TTLL11: variants seen among roughly 807,000 people sequenced by gnomAD.
TTLL11 encodes tubulin polyglutamylase TTLL11.
TTLL11 carries 42 observed loss-of-function variants against 51.7 expected under a neutral mutation model. The observed-to-expected ratio is 0.81, with a 90% CI of 0.64 to 1.05. The LOEUF (loss-of-function observed/expected upper bound fraction) is 1.05. Among genes scored for constraint, TTLL11 ranks in the 50% least tolerant of loss-of-function variants. The pLI, the probability that TTLL11 is intolerant of heterozygous loss-of-function variation, is 0.00. For missense variants in TTLL11, 799 were observed against 940.4 expected, an observed-to-expected ratio of 0.85 and a Z score of 1.97; for synonymous variants, 381 against 383.5, an observed-to-expected ratio of 0.99 and a Z score of 0.08.
chr9:122,062,604 G>T (rs1056285295), intron 1 of TTLL11, among the ~76,000 whole-genome samples: 9 of 151,022 alleles, frequency 6.0e-5, no homozygotes, highest in Non-Finnish European at 1.0e-4. Context: ...AAGTAGCTGG[G>T]TTTACAGGCA....
At position 122,056,062 on chromosome 9, in the gene TTLL11, G is replaced by C. The variant is rs190912830; in HGVS notation, c.463-16694C>G. On this transcript the variant is annotated intron_variant, in intron 1 of 8. Transcript: ENST00000321582. Reference sequence around the variant, plus strand: ...CCCCCATTCTGCAAATCTGCAAGGGGCTGCTCTTCTTTTCCAGCAATCGAC... The same window carrying C: ...CCCCCATTCTGCAAATCTGCAAGGGCCTGCTCTTCTTTTCCAGCAATCGAC... Among the ~76,000 whole-genome samples the C allele has an allele frequency of 1.4e-4, 21 of 152,322 alleles. No individual in the cohort carries two copies. The East Asian group carries it at 4.1e-3, about 29-fold the overall frequency.
chr9:121,933,952 G>A (rs369573503), intron 6 of TTLL11, among the ~76,000 whole-genome samples: 15 of 152,166 alleles, frequency 9.9e-5, no homozygotes, highest in Admixed American at 3.3e-4. Context: ...TGGTCCAGCC[G>A]GGCGCTGTGG....
chr9:121,822,760 G>A lies in TTLL11; in HGVS notation c.1960C>T (p.Leu654=), dbSNP rs1836624117. ...CACACCAGGCGTTTTTCATCCAGCA[G>A]GGACAGGTGGTACTCGCAAAGGTCA... The part of the protein sequence containing the change: ...LIDLCEYHLS[L]LDEKRLVCGR... Residue 654 remains leucine (L), a synonymous_variant, in exon 9 of 9, where the codon CTG becomes TTG. Coordinates refer to ENST00000321582, the MANE Select transcript of TTLL11 (RefSeq NM_001139442.2). This position sits in a 1 kb window ranked among gnomAD's most constrained non-coding sequence, Gnocchi z 5.8. The A allele has an allele frequency of 6.4e-7, 1 of 1,551,568 alleles. No homozygotes were observed. Among genetic ancestry groups the A allele is most frequent in the Admixed American group, 2.0e-5 (1 of 50,988 alleles).
chr9:121,885,496 C>G (rs1838975801), intron 6 of TTLL11: 1 of 152,248 alleles, frequency 6.6e-6, no homozygotes, highest in African/African-American at 2.4e-5. Context: ...AGCACATCCT[C>G]TTATTTGATT....
chr9:121,991,148 C>A (rs1843100716), intron 3 of TTLL11, among the ~76,000 whole-genome samples: 1 of 152,218 alleles, frequency 6.6e-6, no homozygotes, highest in Non-Finnish European at 1.5e-5. Context: ...CCTCTCAGCT[C>A]TCCACCTTTG....
At chr9:122,089,778 TG>T (rs1846212594) in intron 1 of TTLL11, among the ~76,000 whole-genome samples, 1 of 151,986 alleles carries the variant, frequency 6.6e-6, no homozygotes, top group Admixed American at 6.6e-5. Context: ...GCAAGTGAAT[TG>T]TTTTTTTAAT....
At chr9:121,901,040 G>A (rs549092402) in intron 6 of TTLL11, among the ~76,000 whole-genome samples, 75 of 152,266 alleles carry the variant, frequency 4.9e-4, no homozygotes, top group African/African-American at 1.8e-3. Context: ...CTCCCAAAGT[G>A]CTGGGATTAC....
rs186988876 is a variant in TTLL11 at position 121,851,732 on chromosome 9, T to C, written c.1840+8605A>G. On this transcript the variant is annotated intron_variant, in intron 8 of 8. Coordinates refer to ENST00000321582, the MANE Select transcript of TTLL11 (RefSeq NM_001139442.2). ...GAATAAGAGAAATTCCTCCCCTCAGTGCAGTTGGGAGCACTGAGTGCTGTG... is the reference window on the plus strand; with the variant it reads ...GAATAAGAGAAATTCCTCCCCTCAGCGCAGTTGGGAGCACTGAGTGCTGTG... Among the ~76,000 whole-genome samples, 389 of 152,310 alleles carry C rather than the reference T, an allele frequency of 2.6e-3. 3 individuals are homozygous for C. The highest frequency in any genetic ancestry group is 2.3e-3 in the Non-Finnish European group (159 of 68,024).
At chr9:121,985,827 A>G (rs1374462167) in intron 4 of TTLL11, among the ~76,000 whole-genome samples, 1 of 152,126 alleles carries the variant, frequency 6.6e-6, no homozygotes, top group African/African-American at 2.4e-5. Flanking sequence ...GCCCAAGGAT[A>G]CCATTTTCTC....
chr9:121,824,925 TG>T (rs1187550768), intron 8 of TTLL11, among the ~76,000 whole-genome samples: 1 of 152,226 alleles, frequency 6.6e-6, no homozygotes, highest in Non-Finnish European at 1.5e-5. Context: ...GAACTTGAGC[TG>T]GGCAAAGAAG....
chr9:121,907,311 G>T (rs1287380901), intron 6 of TTLL11, among the ~76,000 whole-genome samples: 1 of 152,020 alleles, frequency 6.6e-6, no homozygotes, highest in Non-Finnish European at 1.5e-5. Flanking sequence ...TTAGCCGGGT[G>T]TGATGGTGCA....
chr9:121,996,203 C>T (rs1427423839), intron 3 of TTLL11, among the ~76,000 whole-genome samples: 4 of 152,106 alleles, frequency 2.6e-5, no homozygotes, highest in Non-Finnish European at 4.4e-5. Flanking sequence ...CACTTCCTGC[C>T]CTTCCCTCCT....
At chr9:122,031,562 A>G (rs370597039) in intron 3 of TTLL11, among the ~76,000 whole-genome samples, 161 bp downstream of exon 3, 35 of 152,258 alleles carry the variant, frequency 2.3e-4, no homozygotes, top group African/African-American at 8.4e-4. Context: ...TCAACTCTGC[A>G]AGCTGTTTTG....
chr9:121,882,249 G>A (rs752411719), intron 6 of TTLL11, among the ~76,000 whole-genome samples: 1 of 152,120 alleles, frequency 6.6e-6, no homozygotes, highest in Non-Finnish European at 1.5e-5. Context: ...AGGTCAAGGG[G>A]GCTCACTGCT....
At chr9:121,827,017 C>T (rs1416893414) in intron 8 of TTLL11, among the ~76,000 whole-genome samples, 2 of 152,124 alleles carry the variant, frequency 1.3e-5, no homozygotes, top group African/African-American at 4.8e-5. Context: ...CAGATGAAGC[C>T]ATTGGGAGCC....
intron 6 of TTLL11, among the ~76,000 whole-genome samples, chr9:121,883,119 G>A (rs1374948615): frequency 2.0e-5 from 3 of 152,126 alleles, no homozygotes; most frequent in African/African-American, 7.2e-5. Context: ...CAGCTTATGG[G>A]TCTATAAACC....
chr9:122,086,738 T>C (rs1417119915), intron 1 of TTLL11, among the ~76,000 whole-genome samples: 1 of 152,230 alleles, frequency 6.6e-6, no homozygotes, highest in East Asian at 1.9e-4. Flanking sequence ...TAAGTCCTAT[T>C]TGCATTATTG....
At chr9:121,919,871 G>T (rs1330997762) in intron 6 of TTLL11, among the ~76,000 whole-genome samples, 1 of 140,922 alleles carries the variant, frequency 7.1e-6, no homozygotes, top group African/African-American at 2.7e-5. Flanking sequence ...AAAAAAAAAA[G>T]GAAATATCCT....
At chr9:121,826,519 A>ATATATATG (rs1836791491) in intron 8 of TTLL11, among the ~76,000 whole-genome samples, 3 of 39,850 alleles carry the variant, frequency 7.5e-5, no homozygotes, top group African/African-American at 2.8e-4. Flanking sequence ...ATATATGTAT[A>ATATATATG]TATATATATG....
Sources: allele counts gnomAD v4.1 joint callset (sites outside exome capture counted in the v4.1 genomes callset), GRCh38; gene constraint gnomAD v4.1.1; non-coding constraint Gnocchi (gnomAD v3.1); transcripts MANE v1.5; gene names NCBI Gene and HGNC (gene_info 2026-07-23, HGNC 2026-07-21).